Variants in FHIT observed in about 807,000 individuals in gnomAD.
FHIT encodes the protein bis(5'-adenosyl)-triphosphatase.
A neutral mutation model predicts 17.9 loss-of-function variants in FHIT; 19 were observed. The observed-to-expected ratio is 1.06, with a 90% CI of 0.74 to 1.56. The LOEUF (loss-of-function observed/expected upper bound fraction) is 1.56. Ranked by LOEUF, FHIT falls within the 40% of genes most tolerant of loss-of-function variation. FHIT has a pLI of 0.00. For missense variants in FHIT, 248 were observed against 189.2 expected, an observed-to-expected ratio of 1.31 and a Z score of -1.82; for synonymous variants, 81 against 69.7, an observed-to-expected ratio of 1.16 and a Z score of -0.81.
chr3:60,315,481 T>C (rs1709123716), intron 5 of FHIT, among the ~76,000 whole-genome samples: 1 of 152,168 alleles, frequency 6.6e-6, no homozygotes, highest in Non-Finnish European at 1.5e-5. Context: ...GAAACCAGTA[T>C]CCTAGCTTCT....
intron 8 of FHIT, among the ~76,000 whole-genome samples, chr3:59,862,298 C>T (rs773182438): frequency 7.2e-5 from 11 of 152,166 alleles, no homozygotes; most frequent in Non-Finnish European, 1.3e-4. Flanking sequence ...GTGAGACTTA[C>T]TCACTATCAC....
At chr3:59,993,870 T>C (rs1040117679) in intron 7 of FHIT, among the ~76,000 whole-genome samples, 9 of 152,146 alleles carry the variant, frequency 5.9e-5, no homozygotes, top group African/African-American at 1.9e-4. Context: ...CCTGGCACCA[T>C]AGCTACCTCA....
intron 4 of FHIT, among the ~76,000 whole-genome samples, chr3:60,612,045 T>G (rs2038801456): frequency 6.6e-6 from 1 of 152,136 alleles, no homozygotes; most frequent in Admixed American, 6.6e-5. Context: ...TACCTAATGA[T>G]GCTCAATCAC....
chr3:60,744,266 AAC>A (rs1171810581), intron 4 of FHIT, among the ~76,000 whole-genome samples: 5,080 of 52,232 alleles, frequency 0.097, 171 homozygotes, highest in South Asian at 0.21. Flanking sequence ...AACAAAACAA[AAC>A]AAAAAAAAAA....
At chr3:59,972,728 T>G (rs1383287863) in intron 7 of FHIT, among the ~76,000 whole-genome samples, 5 of 152,132 alleles carry the variant, frequency 3.3e-5, no homozygotes, top group Admixed American at 2.0e-4. Context: ...TATACCCTAG[T>G]TTAGCTCACT....
At chr3:59,827,783 T>C (rs1243811095) in intron 8 of FHIT, among the ~76,000 whole-genome samples, 3 of 152,252 alleles carry the variant, frequency 2.0e-5, no homozygotes, top group Non-Finnish European at 4.4e-5. Context: ...TTTACTTTGG[T>C]TGTGTAGGCA....
intron 5 of FHIT, among the ~76,000 whole-genome samples, chr3:60,529,113 G>A (rs963588453): frequency 1.3e-5 from 2 of 152,102 alleles, no homozygotes; most frequent in Admixed American, 1.3e-4. Flanking sequence ...AGGTTTTTAA[G>A]GATAAGTCCA....
chr3:59,970,384 T>C (rs1708120686), intron 7 of FHIT, among the ~76,000 whole-genome samples: 1 of 152,112 alleles, frequency 6.6e-6, no homozygotes, highest in South Asian at 2.1e-4. Context: ...AGATGTTTAT[T>C]GATTGGTGTT....
rs558215983 is a variant in FHIT at position 60,333,921 on chromosome 3, C to T, written c.103+202939G>A. ...AGACCACCTGCTTCCTGTTGATCAA[C>T]TTCTCTCCCTTACCCCTCCCTAATT... On this transcript the variant is annotated intron_variant, in intron 5 of 9. Transcript: ENST00000492590. 1.2e-4 allele frequency among the ~76,000 whole-genome samples: 18 copies of T among 152,226 alleles called. No homozygotes were observed. The South Asian group carries it at 3.3e-3, about 28-fold the overall frequency.
intron 3 of FHIT, among the ~76,000 whole-genome samples, chr3:60,845,336 C>CA (rs1167933685): frequency 6.6e-6 from 1 of 150,930 alleles, no homozygotes; most frequent in African/African-American, 2.4e-5. Flanking sequence ...AACAAACAAA[C>CA]AAAAAAAAAA....
chr3:60,114,072 T>TATATATAAAA (rs1292373651), intron 5 of FHIT, among the ~76,000 whole-genome samples: 3 of 82,360 alleles, frequency 3.6e-5, no homozygotes. Flanking sequence ...TATATATATA[T>TATATATAAAA]AATGTTATAT....
Position 60,536,963 on chromosome 3 carries a change from G to A in FHIT, c.-1C>T. ...GATGTTGGCCAAATCTGAACGACAT[G>A]TCCTCACAGTTGAAGTCTAAAAGAA... is the stretch of plus-strand genomic sequence containing the variant. On this transcript the variant is annotated 5_prime_UTR_variant, in exon 5 of 10. Coordinates refer to ENST00000492590, the MANE Select transcript of FHIT (RefSeq NM_002012.4). The A allele has an allele frequency of 6.2e-7, 1 of 1,605,500 alleles. No homozygotes were observed. The highest frequency in any genetic ancestry group is 8.5e-7 in the Non-Finnish European group (1 of 1,177,094).
At chr3:60,702,001 AG>A (rs1428848661) in intron 4 of FHIT, among the ~76,000 whole-genome samples, 3 of 152,168 alleles carry the variant, frequency 2.0e-5, no homozygotes, top group Admixed American at 2.0e-4. Flanking sequence ...ATTTTTGCCA[AG>A]GTGGTTTCGC....
intron 2 of FHIT, among the ~76,000 whole-genome samples, chr3:61,117,198 C>G (rs2036323091): frequency 1.3e-5 from 2 of 152,144 alleles, no homozygotes; most frequent in Non-Finnish European, 2.9e-5. Flanking sequence ...TGACTTCTGT[C>G]CCTCTCAACC....
At chr3:60,131,885 C>G (rs1000834827) in intron 5 of FHIT, among the ~76,000 whole-genome samples, 1 of 152,152 alleles carries the variant, frequency 6.6e-6, no homozygotes, top group Non-Finnish European at 1.5e-5. Context: ...TATGACTCCT[C>G]ATTGCATCAG....
chr3:61,194,963 G>A (rs187374099), intron 2 of FHIT, among the ~76,000 whole-genome samples: 4 of 147,936 alleles, frequency 2.7e-5, no homozygotes, highest in Admixed American at 1.4e-4. Context: ...TCTCTCATAC[G>A]TGATAAACAA....
chr3:60,801,121 C>T (rs1701172004), intron 4 of FHIT, among the ~76,000 whole-genome samples: 1 of 152,200 alleles, frequency 6.6e-6, no homozygotes, highest in Non-Finnish European at 1.5e-5. Context: ...AGAAAACTTA[C>T]ATGCTTCAGA....
intron 3 of FHIT, among the ~76,000 whole-genome samples, chr3:60,827,952 T>C (rs782789127): frequency 6.6e-6 from 1 of 152,202 alleles, no homozygotes; most frequent in Admixed American, 6.5e-5. Flanking sequence ...TTCCTCCAGA[T>C]TGTGGACTTG....
At chr3:60,380,607 T>A (rs1700758525) in intron 5 of FHIT, among the ~76,000 whole-genome samples, 1 of 152,170 alleles carries the variant, frequency 6.6e-6, no homozygotes, top group African/African-American at 2.4e-5. Flanking sequence ...AGCAATGGAT[T>A]AAAATGAGTA....
Sources: allele counts gnomAD v4.1 joint callset (sites outside exome capture counted in the v4.1 genomes callset), GRCh38; gene constraint gnomAD v4.1.1; transcripts MANE v1.5; gene names NCBI Gene and HGNC (gene_info 2026-07-23, HGNC 2026-07-21).